Variants in MMP13 observed in about 807,000 individuals in gnomAD.
The protein encoded by MMP13 is matrix metallopeptidase 13.
In MMP13, 45 loss-of-function variants were observed where a neutral mutation model predicts 52.1. The ratio of observed to expected loss-of-function variants is 0.86; its 90% CI spans 0.68 to 1.11. The LOEUF (loss-of-function observed/expected upper bound fraction) is 1.11, where lower values mean the gene tolerates loss of function less well. Ranked by LOEUF, MMP13 falls within the 50% of genes least tolerant of loss-of-function variation. The pLI is 0.00. For synonymous variants in MMP13, 200 were observed against 204.4 expected (o/e 0.98, Z 0.18); for missense variants, 576 against 583.8 (o/e 0.99, Z 0.14).
Position 102,947,872 on chromosome 11 carries a change from G to C in MMP13, c.1211+19C>G. ...TTGCGGCTATGACACAGATGGGTCAGTACCTACTGCTGCCATACCTCCAGA... is the reference window on the plus strand; with the variant it reads ...TTGCGGCTATGACACAGATGGGTCACTACCTACTGCTGCCATACCTCCAGA... On this transcript the variant is annotated intron_variant, in intron 8 of 9. Transcript: ENST00000260302. The C allele has an allele frequency of 6.2e-7, 1 of 1,613,674 alleles. No individual in the cohort carries two copies. Among genetic ancestry groups the C allele is most frequent in the Admixed American group, 1.7e-5 (1 of 59,986 alleles).
intron 7 of MMP13, 64 bp from the exon 8 acceptor site, chr11:102,948,114 C>G (rs1307880072): frequency 3.5e-6 from 5 of 1,418,782 alleles, no homozygotes; most frequent in Non-Finnish European, 4.9e-6. Context: ...CATATATAGA[C>G]ATGTGCTTAA....
intron 8 of MMP13, among the ~76,000 whole-genome samples, chr11:102,946,661 A>T (rs1284945505): frequency 6.6e-6 from 1 of 152,218 alleles, no homozygotes; most frequent in African/African-American, 2.4e-5. Flanking sequence ...TGGCAAAAAA[A>T]AATTGCCTAA....
In MMP13 at chr11:102,955,285, G is replaced by T; in HGVS notation, c.329C>A (p.Thr110Asn). ...TAAATTCATTTTGGACCATTTAAGA[G>T]TTCGAGGGAAAACATTGTATTCACC... is the stretch of plus-strand genomic sequence containing the variant. Reference protein sequence around the residue: ...DVGEYNVFPRTLKWSKMNLTY... With the variant: ...DVGEYNVFPRNLKWSKMNLTY... Residue 110 changes from threonine (T) to asparagine (N), a missense_variant, in exon 2 of 10, where the codon ACT becomes AAT. By Grantham distance (65) the Thr-to-Asn change is moderately conservative. Coordinates refer to ENST00000260302, the MANE Select transcript of MMP13 (RefSeq NM_002427.4). This position sits in a 1 kb window ranked among gnomAD's most constrained non-coding sequence, Gnocchi z 4.9. The T allele has an allele frequency of 6.2e-7, 1 of 1,613,896 alleles. No individual in the cohort carries two copies. Among genetic ancestry groups the T allele is most frequent in the South Asian group, 1.1e-5 (1 of 91,086 alleles).
At chr11:102,948,681 G>T (rs1860556165) in intron 7 of MMP13, among the ~76,000 whole-genome samples, 2 of 152,224 alleles carry the variant, frequency 1.3e-5, no homozygotes, top group Admixed American at 6.5e-5. Flanking sequence ...TGAGTTTTCA[G>T]AAGGAAGAAT....
In MMP13 at chr11:102,952,138, C is replaced by T. The variant is rs782641487; in HGVS notation, c.673G>A (p.Gly225Ser). 6.8e-6 allele frequency: 11 copies of T among 1,612,880 alleles called. No individual in the cohort carries two copies. The highest frequency in any genetic ancestry group is 2.2e-5 in the East Asian group (1 of 44,872). The change falls in exon 5 of 10, where the codon GGC becomes AGC. Residue 225 changes from glycine (G) to serine (S), a missense_variant. Gly to Ser is a moderately conservative substitution (Grantham distance 56). Transcript: ENST00000260302. The surrounding 1 kb of genome is among the most constrained non-coding windows in gnomAD (Gnocchi z 4.3). ...GAGTGGTCAAGACCTAAGGAGTGGC[C>T]GAACTCATGCGCAGCAACAAGAAAC... ...NLFLVAAHEF[G>S]HSLGLDHSKD...
In MMP13 at chr11:102,950,208, G is replaced by C; in HGVS notation, c.819C>G (p.Pro273=). The change falls in exon 6 of 10, where the codon CCC becomes CCG. Residue 273 remains proline, a synonymous_variant. Coordinates refer to ENST00000260302, the MANE Select transcript of MMP13 (RefSeq NM_002427.4). ...QSLYGPGDED[P]NPKHPKTPDK... ...CTGGCGTTTTTGGATGTTTAGGGTT[G>C]GGGTCTTCATCTCCTGGACCTGTAG... 2 of 1,613,632 alleles carry C rather than the reference G, an allele frequency of 1.2e-6. No homozygotes were observed. Among genetic ancestry groups the C allele is most frequent in the Non-Finnish European group, 1.7e-6 (2 of 1,179,582 alleles).
Position 102,943,217 on chromosome 11 carries a change from A to G in MMP13, c.*1049T>C, listed in dbSNP as rs1860437797. The G allele has an allele frequency of 6.6e-6, 1 of 152,132 alleles. No individual in the cohort carries two copies. The highest frequency in any genetic ancestry group is 6.5e-5 in the Admixed American group (1 of 15,276). 9.4% of individuals were successfully genotyped at this position (152,132 alleles called of 1,614,324 possible). On this transcript the variant is annotated 3_prime_UTR_variant, in exon 10 of 10. Transcript: ENST00000260302. ...TGGGGGATTTTTTTAAATGCAGAGA[A>G]AAAAAGGCATCCTTCCATATCTCAA...
At position 102,952,060 on chromosome 11, in the gene MMP13, G is replaced by A. The variant is rs571888994; in HGVS notation, c.751C>T (p.His251Tyr). 9.3e-6 allele frequency: 15 copies of A among 1,613,402 alleles called. No homozygotes were observed. In the African/African-American group the frequency reaches 2.0e-4, roughly 22 times the overall value. ...ACATCGTCATCAGGAAGCATAAAGT[G>A]GCTTTTGCCGGTGTAGGTGTAGATA... ...FPIYTYTGKS[H>Y]FMLPDDDVQG... Residue 251 changes from histidine (H) to tyrosine (Y), a missense_variant, in exon 5 of 10, where the codon CAC becomes TAC. Physicochemically the swap from His to Tyr is moderately conservative, Grantham distance 83. Coordinates refer to ENST00000260302, the MANE Select transcript of MMP13 (RefSeq NM_002427.4). This position sits in a 1 kb window ranked among gnomAD's most constrained non-coding sequence, Gnocchi z 4.3.
At chr11:102,950,040 T>G in intron 6 of MMP13, 70 bp downstream of exon 6, 1 of 1,304,930 alleles carries the variant, frequency 7.7e-7, no homozygotes. Flanking sequence ...CAGGATGTTT[T>G]GGCAATATGC....
In MMP13 at chr11:102,950,232, A is replaced by G; in HGVS notation, c.800-5T>C. On this transcript the variant is annotated splice_polypyrimidine_tract_variant and splice_region_variant and intron_variant, in intron 5 of 9. Transcript: ENST00000260302. ...TGGGGTCTTCATCTCCTGGACCTGTAGTCGTGAAAGGCAAGAGAGAAGTTA... is the reference window on the plus strand; with the variant it reads ...TGGGGTCTTCATCTCCTGGACCTGTGGTCGTGAAAGGCAAGAGAGAAGTTA... The G allele has an allele frequency of 1.9e-6, 3 of 1,602,104 alleles. No homozygotes were observed. The highest frequency in any genetic ancestry group is 2.6e-6 in the Non-Finnish European group (3 of 1,169,168).
chr11:102,945,475 G>GT (rs1228011827), intron 9 of MMP13, among the ~76,000 whole-genome samples, 171 bp downstream of exon 9: 24 of 151,618 alleles, frequency 1.6e-4, no homozygotes, highest in East Asian at 1.6e-3. Flanking sequence ...TTCTAACCAT[G>GT]TTTTTTTTGG....
intron 9 of MMP13, chr11:102,945,231 G>T: frequency 1.4e-6 from 1 of 736,932 alleles, no homozygotes; most frequent in South Asian, 2.4e-5. Flanking sequence ...GTGACAGAGT[G>T]AGACTCTGTC....
Position 102,955,252 on chromosome 11 carries a change from C to T in MMP13, c.362G>A (p.Arg121Lys). ...GAAAGAAAGATAGCCTATGATTTAC[C>T]TGTAGGTTAAATTCATTTTGGACCA... ...LKWSKMNLTY[R>K]IVNYTPDMTH... Residue 121 changes from arginine to lysine, a missense_variant and splice_region_variant, in exon 2 of 10, where the codon AGA (arginine) becomes AAA (lysine). By Grantham distance (26) the Arg-to-Lys change is conservative. Coordinates refer to ENST00000260302, the MANE Select transcript of MMP13 (RefSeq NM_002427.4). This position sits in a 1 kb window ranked among gnomAD's most constrained non-coding sequence, Gnocchi z 4.9. 1.9e-6 allele frequency: 3 copies of T among 1,613,592 alleles called. No individual in the cohort carries two copies. Among genetic ancestry groups the T allele is most frequent in the Non-Finnish European group, 2.5e-6 (3 of 1,179,706 alleles).
intron 9 of MMP13, among the ~76,000 whole-genome samples, chr11:102,945,419 T>C (rs1379890108): frequency 6.6e-6 from 1 of 152,184 alleles, no homozygotes; most frequent in Non-Finnish European, 1.5e-5. Flanking sequence ...AGGTTTAGCA[T>C]CTCGTATTTA....
rs527413183 is a variant in MMP13, at chr11:102,949,284, G to C, written c.918-126C>G. ...CAACCAATACCTCCCACCTGTGAAGGGAAAAAAAATTCCATTACCCTTTAA... is the reference window on the plus strand; with the variant it reads ...CAACCAATACCTCCCACCTGTGAAGCGAAAAAAAATTCCATTACCCTTTAA... On this transcript the variant is annotated intron_variant, in intron 6 of 9. Transcript: ENST00000260302. The surrounding 1 kb of genome is among the most constrained non-coding windows in gnomAD (Gnocchi z 4.2). 1 of 1,231,626 alleles carries C rather than the reference G, an allele frequency of 8.1e-7. No homozygotes were observed. Among genetic ancestry groups the C allele is most frequent in the Non-Finnish European group, 1.1e-6 (1 of 875,624 alleles). 76.3% of individuals were successfully genotyped at this position (1,231,626 alleles called of 1,614,324 possible). A position where few individuals can be genotyped will look rare whatever the true frequency, so the allele number is the denominator to read the frequency against.
chr11:102,949,256 A>G lies in MMP13; in HGVS notation c.918-98T>C. Reference sequence around the variant, plus strand: ...CTCCACATCAACACAGACAAGTTAGATACAACCAATACCTCCCACCTGTGA... The same window carrying G: ...CTCCACATCAACACAGACAAGTTAGGTACAACCAATACCTCCCACCTGTGA... On this transcript the variant is annotated intron_variant, in intron 6 of 9. Transcript: ENST00000260302. The surrounding 1 kb of genome is among the most constrained non-coding windows in gnomAD (Gnocchi z 4.2). The G allele has an allele frequency of 7.0e-7, 1 of 1,428,470 alleles. No homozygotes were observed. Among genetic ancestry groups the G allele is most frequent in the Non-Finnish European group, 9.6e-7 (1 of 1,039,264 alleles). The allele number at this position is 1,428,470 out of a possible 1,614,324, so 88.5% of individuals were successfully genotyped here. A position where few individuals can be genotyped will look rare whatever the true frequency, so the allele number is the denominator to read the frequency against.
intron 8 of MMP13, among the ~76,000 whole-genome samples, chr11:102,947,442 T>C (rs17860571): frequency 6.6e-6 from 1 of 151,966 alleles, no homozygotes; most frequent in Non-Finnish European, 1.5e-5. Flanking sequence ...GGCACATGCC[T>C]GTAATCCCAG....
intron 3 of MMP13, 75 bp downstream of exon 3, chr11:102,954,383 C>A: frequency 1.3e-6 from 2 of 1,594,648 alleles, no homozygotes; most frequent in Admixed American, 3.4e-5. Flanking sequence ...TAATGAATGA[C>A]TGAAATAAAT....
At position 102,944,250 on chromosome 11, in the gene MMP13, A is replaced by G. The variant is rs2134511632; in HGVS notation, c.*16T>C. On this transcript the variant is annotated 3_prime_UTR_variant, in exon 10 of 10. Transcript: ENST00000260302. ...AATGCTCTTCAGGATTTAAATAACA[A>G]TTTTTAAAAAGACACTTAACACCAC... 1.3e-6 allele frequency: 2 copies of G among 1,597,162 alleles called. No homozygotes were observed. The highest frequency in any genetic ancestry group is 1.7e-6 in the Non-Finnish European group (2 of 1,165,108).
Sources: allele counts gnomAD v4.1 joint callset (sites outside exome capture counted in the v4.1 genomes callset), GRCh38; gene constraint gnomAD v4.1.1; non-coding constraint Gnocchi (gnomAD v3.1); transcripts MANE v1.5; gene names NCBI Gene and HGNC (gene_info 2026-07-23, HGNC 2026-07-21).